UNC80: variants seen among roughly 807,000 people sequenced by gnomAD.
The protein encoded by UNC80 is unc-80 subunit of NALCN channel complex, also known as protein unc-80 homolog.
Under a neutral mutation model 384.6 loss-of-function variants are expected in UNC80, and 164 were observed. The observed-to-expected ratio is 0.43, with a 90% confidence interval of 0.38 to 0.49. UNC80 has a LOEUF of 0.49. Ranked by LOEUF, UNC80 falls within the 20% of genes least tolerant of loss-of-function variation. UNC80 has a pLI of 0.00. For synonymous variants in UNC80, 1,486 were observed against 1,527.8 expected (o/e 0.97, Z 0.64); for missense variants, 3,330 against 4,143.0 (o/e 0.80, Z 5.39).
chr2:209,935,783 A>G lies in UNC80; in HGVS notation c.6248A>G (p.Asp2083Gly). 1 of 1,541,462 alleles carries G rather than the reference A, an allele frequency of 6.5e-7. No homozygotes were observed. Among genetic ancestry groups the G allele is most frequent in the East Asian group, 2.5e-5 (1 of 40,118 alleles). ...CCAACCCAGTTACCAGTCCATGAAG[A>G]CACTCAATTTGAAGCCCTGTTGAAG... ...DIPTQLPVHE[D>G]TQFEALLKEC... Residue 2083 changes from aspartate (D) to glycine (G), a missense_variant, in exon 40 of 65, where the codon GAC becomes GGC. This residue lies in a region of UNC80 where 1,049 missense variants were observed against 1,488.6 expected (regional missense o/e 0.70). Coordinates refer to ENST00000673920, the MANE Select transcript of UNC80 (RefSeq NM_001371986.1).
rs749320959 is a variant in UNC80 at position 209,834,111 on chromosome 2, C to T, written c.2885C>T (p.Ala962Val). The T allele has an allele frequency of 6.4e-6, 10 of 1,551,540 alleles. No homozygotes were observed. In the South Asian group the frequency reaches 1.2e-4, roughly 18 times the overall value. Residue 962 changes from alanine (A) to valine (V), a missense_variant, in exon 17 of 65, where the codon GCA becomes GTA. Physicochemically the swap from Ala to Val is moderately conservative, Grantham distance 64. This residue lies in a region of UNC80 where 801 missense variants were observed against 950.8 expected (regional missense o/e 0.84). Transcript: ENST00000673920. ...CTGCTTGACAGTGCCGAGAAGTTAG[C>T]ACCAGGGAAAAAGGTGGAGGAGAAT... ...SALLDSAEKL[A>V]PGKKVEENEQ... is the part of the protein sequence containing the mutation.
At chr2:209,785,435 T>C (rs188792598) in intron 4 of UNC80, among the ~76,000 whole-genome samples, 1 of 152,330 alleles carries the variant, frequency 6.6e-6, no homozygotes, top group African/African-American at 2.4e-5. Flanking sequence ...TGAGTATCTG[T>C]TGTGTACCCA....
chr2:209,847,950 T>TTG (rs1559192624), intron 21 of UNC80, among the ~76,000 whole-genome samples: 1 of 152,064 alleles, frequency 6.6e-6, no homozygotes. Flanking sequence ...AAATGTCTCT[T>TTG]TAATTCAAAG....
chr2:209,893,411 T>A (rs2124914524), intron 26 of UNC80, among the ~76,000 whole-genome samples: 1 of 152,356 alleles, frequency 6.6e-6, no homozygotes, highest in East Asian at 1.9e-4. Flanking sequence ...CAAGTTTAAA[T>A]GCATTTCTTT....
chr2:209,897,616 T>C (rs2124920390), intron 28 of UNC80, among the ~76,000 whole-genome samples: 1 of 152,348 alleles, frequency 6.6e-6, no homozygotes, highest in East Asian at 1.9e-4. Flanking sequence ...AATACATAGA[T>C]GAATTTAAAT....
intron 47 of UNC80, among the ~76,000 whole-genome samples, 170 bp downstream of exon 47, chr2:209,946,113 C>T (rs138827023): frequency 1.3e-5 from 2 of 152,262 alleles, no homozygotes; most frequent in African/African-American, 4.8e-5. Flanking sequence ...ATAATCCCAG[C>T]ACTTTGGAAG....
Position 209,935,727 on chromosome 2 carries a change from G to T in UNC80, c.6192G>T (p.Leu2064Phe), listed in dbSNP as rs1329259665. 9.2e-6 allele frequency: 14 copies of T among 1,522,358 alleles called. No homozygotes were observed. Among genetic ancestry groups the T allele is most frequent in the Non-Finnish European group, 1.2e-5 (14 of 1,135,354 alleles). 94.3% of individuals were successfully genotyped at this position (1,522,358 alleles called of 1,614,324 possible). A position where few individuals can be genotyped will look rare whatever the true frequency, so the allele number is the denominator to read the frequency against. ...VTASMPGTKTLVVHGQNECDI... is the reference protein window; with the variant it reads ...VTASMPGTKTFVVHGQNECDI... Reference sequence around the variant, plus strand: ...TATCATCTGTAGGTACTAAAACCTTGGTAGTTCATGGACAGAATGAGTGCG... The same window carrying T: ...TATCATCTGTAGGTACTAAAACCTTTGTAGTTCATGGACAGAATGAGTGCG... Residue 2064 changes from leucine to phenylalanine, a missense_variant, in exon 40 of 65, where the codon TTG becomes TTT. Transcript: ENST00000673920.
At chr2:209,805,143 T>C (rs1230699375) in intron 7 of UNC80, among the ~76,000 whole-genome samples, 2 of 152,186 alleles carry the variant, frequency 1.3e-5, no homozygotes, top group African/African-American at 4.8e-5. Context: ...AAGAAGAAAT[T>C]AGAAGGCACC....
At chr2:209,984,739 G>T in intron 60 of UNC80, 117 bp from the exon 61 acceptor site, 1 of 942,968 alleles carries the variant, frequency 1.1e-6, no homozygotes, top group South Asian at 1.7e-5. Flanking sequence ...TTCCTTGTTC[G>T]GTTAAATCTA....
chr2:209,776,335 A>T (rs1174436650), intron 3 of UNC80, among the ~76,000 whole-genome samples: 1 of 152,160 alleles, frequency 6.6e-6, no homozygotes, highest in Non-Finnish European at 1.5e-5. Context: ...TAATCCCACC[A>T]CTTTGGGAGG....
chr2:209,815,560 T>C (rs1407851589), intron 9 of UNC80, among the ~76,000 whole-genome samples, 169 bp downstream of exon 9: 1 of 152,108 alleles, frequency 6.6e-6, no homozygotes, highest in East Asian at 1.9e-4. Flanking sequence ...CCTGTGCAAG[T>C]CCCTCTGTGT....
At chr2:209,871,799 T>TAAAC (rs1170003266) in intron 22 of UNC80, among the ~76,000 whole-genome samples, 7 of 152,000 alleles carry the variant, frequency 4.6e-5, no homozygotes, top group Admixed American at 1.3e-4. Flanking sequence ...AGCTAAAAGA[T>TAAAC]GTTTCTTCTT....
Position 209,789,525 on chromosome 2 carries a change from T to G in UNC80, c.725-7T>G. On this transcript the variant is annotated splice_polypyrimidine_tract_variant and splice_region_variant and intron_variant, in intron 5 of 64. Transcript: ENST00000673920. Reference sequence around the variant, plus strand: ...ACAAAACGATGGAACTTCTTCCGTCTTTTCAGCTAAGAGAAGTTCTCCTAT... The same window carrying G: ...ACAAAACGATGGAACTTCTTCCGTCGTTTCAGCTAAGAGAAGTTCTCCTAT... The G allele has an allele frequency of 6.2e-7, 1 of 1,607,716 alleles. No individual in the cohort carries two copies. Among genetic ancestry groups the G allele is most frequent in the Non-Finnish European group, 8.5e-7 (1 of 1,176,264 alleles).
chr2:209,994,100 C>G lies in UNC80; in HGVS notation c.9544C>G (p.Gln3182Glu), dbSNP rs765456839. Residue 3182 changes from glutamine (Q) to glutamate (E), a missense_variant, in exon 64 of 65, where the codon CAG becomes GAG. This residue lies in a region of UNC80 where 236 missense variants were observed against 254.9 expected (regional missense o/e 0.93). Transcript: ENST00000673920. ...ACGATCTGTGACCTTCATTGAGGCT[C>G]AGCCAGAGCCAGCAGCTGCCCCAAC... The part of the protein sequence containing the change: ...QKRSVTFIEA[Q>E]PEPAAAPTDA... 1 of 1,551,544 alleles carries G rather than the reference C, an allele frequency of 6.4e-7. No homozygotes were observed. Among genetic ancestry groups the G allele is most frequent in the South Asian group, 1.2e-5 (1 of 84,044 alleles).
At chr2:209,806,798 A>C (rs1559120964) in intron 7 of UNC80, among the ~76,000 whole-genome samples, 1 of 152,212 alleles carries the variant, frequency 6.6e-6, no homozygotes, top group African/African-American at 2.4e-5. Flanking sequence ...CTAGTTTTTA[A>C]ATTAATGTTA....
chr2:209,994,427 A>G (rs143093099), intron 64 of UNC80, among the ~76,000 whole-genome samples, 163 bp downstream of exon 64: 141 of 152,326 alleles, frequency 9.3e-4, no homozygotes, highest in African/African-American at 3.3e-3. Flanking sequence ...AAATCTATAT[A>G]AAGTATAGCC....
intron 23 of UNC80, among the ~76,000 whole-genome samples, chr2:209,874,570 C>T (rs952268887): frequency 2.6e-5 from 4 of 152,208 alleles, no homozygotes. Flanking sequence ...TTTTTGAAAC[C>T]ATCATGCTTC....
chr2:209,994,633 T>G (rs2093452285), intron 64 of UNC80, among the ~76,000 whole-genome samples: 1 of 152,190 alleles, frequency 6.6e-6, no homozygotes, highest in African/African-American at 2.4e-5. Context: ...ATATTCAAAG[T>G]TCATGCTCAA....
At chr2:209,879,431 T>TACCAATATGTCTGCCTAGAATA (rs2085079657) in intron 24 of UNC80, among the ~76,000 whole-genome samples, 1 of 152,162 alleles carries the variant, frequency 6.6e-6, no homozygotes, top group South Asian at 2.1e-4. Context: ...AATATTAGTT[T>TACCAATATGTCTGCCTAGAATA]TTTGTTGAGA....
Sources: gnomAD v4.1 joint callset for allele counts (sites outside exome capture counted in the v4.1 genomes callset) on GRCh38, gnomAD v4.1.1 for gene constraint, gnomAD v4.1.1 regional missense constraint, MANE v1.5 for transcripts, NCBI Gene and HGNC (gene_info 2026-07-23, HGNC 2026-07-21) for gene names.